TCF7L1: variants seen among roughly 807,000 people sequenced by gnomAD.
The protein encoded by TCF7L1 is transcription factor 7 like 1.
In TCF7L1, 18 loss-of-function variants were observed where a neutral mutation model predicts 63.7. The observed-to-expected ratio is 0.28, with a 90% CI of 0.20 to 0.42. TCF7L1 has a LOEUF of 0.42. Among genes scored for constraint, TCF7L1 ranks in the 10% least tolerant of loss-of-function variants. The probability of loss-of-function intolerance (pLI) is 1.00; values close to 1 mark genes in which losing one functional copy is unlikely to be tolerated. For synonymous variants in TCF7L1, 355 were observed against 340.9 expected (o/e 1.04, Z -0.46); for missense variants, 654 against 779.3 (o/e 0.84, Z 1.91).
chr2:85,164,565 G>T lies in TCF7L1; in HGVS notation c.441+30115G>T, dbSNP rs935343062. Among the ~76,000 whole-genome samples, 12 of 152,144 alleles carry T rather than the reference G, an allele frequency of 7.9e-5. No individual in the cohort carries two copies. In the South Asian group the frequency reaches 1.5e-3, roughly 18 times the overall value. On this transcript the variant is annotated intron_variant, in intron 3 of 11. Transcript: ENST00000282111. Reference sequence around the variant, plus strand: ...GTAGCTATTCTGTATCAACCGCTGGGGTCAGAGGCTCTCAGCTGGAGTCCA... The same window carrying T: ...GTAGCTATTCTGTATCAACCGCTGGTGTCAGAGGCTCTCAGCTGGAGTCCA...
chr2:85,267,243 A>G (rs1177839532), intron 3 of TCF7L1, among the ~76,000 whole-genome samples: 2 of 151,128 alleles, frequency 1.3e-5, no homozygotes, highest in African/African-American at 2.4e-5. Flanking sequence ...AGGTGGAAGA[A>G]TCACTTGAAC....
intron 3 of TCF7L1, among the ~76,000 whole-genome samples, chr2:85,208,071 C>A (rs1043883086): frequency 6.6e-6 from 1 of 151,992 alleles, no homozygotes; most frequent in Admixed American, 6.6e-5. Context: ...CACACATGGC[C>A]AATTTTTTGT....
At chr2:85,172,939 G>A (rs151040069) in intron 3 of TCF7L1, among the ~76,000 whole-genome samples, 1,740 of 152,230 alleles carry the variant, frequency 0.011, 19 homozygotes, top group Non-Finnish European at 0.017. Context: ...GTCTCCACTC[G>A]CTACCACAGC....
chr2:85,264,470 G>A (rs1472331642), intron 3 of TCF7L1, among the ~76,000 whole-genome samples: 1 of 152,152 alleles, frequency 6.6e-6, no homozygotes, highest in Non-Finnish European at 1.5e-5. Context: ...TAGGAACTGG[G>A]GGCTCAGGAA....
chr2:85,177,262 C>T (rs1424175407), intron 3 of TCF7L1, among the ~76,000 whole-genome samples: 4 of 152,176 alleles, frequency 2.6e-5, no homozygotes, highest in Non-Finnish European at 5.9e-5. Context: ...CTAATTACCA[C>T]CCAAAGGCCC....
Position 85,250,699 on chromosome 2 carries a change from G to C in TCF7L1, c.442-32796G>C, listed in dbSNP as rs913235585. Among the ~76,000 whole-genome samples, 4 of 152,268 alleles carry C rather than the reference G, an allele frequency of 2.6e-5. No individual in the cohort carries two copies. The East Asian group carries it at 5.8e-4, about 22-fold the overall frequency. On this transcript the variant is annotated intron_variant, in intron 3 of 11. Transcript: ENST00000282111. Reference sequence around the variant, plus strand: ...TGATCACCCACCTCAGCCTCCCAAAGTGGTAGGATTACAGGCGTGATCCAC... The same window carrying C: ...TGATCACCCACCTCAGCCTCCCAAACTGGTAGGATTACAGGCGTGATCCAC...
intron 3 of TCF7L1, among the ~76,000 whole-genome samples, chr2:85,279,841 C>G (rs1001316372): frequency 2.0e-5 from 3 of 152,182 alleles, no homozygotes; most frequent in East Asian, 3.8e-4. Flanking sequence ...GACCACCTCT[C>G]CCTTCTGGTC....
intron 3 of TCF7L1, among the ~76,000 whole-genome samples, chr2:85,223,413 G>A (rs1273976907): frequency 6.6e-6 from 1 of 152,198 alleles, no homozygotes; most frequent in Non-Finnish European, 1.5e-5. Context: ...CAGAATCCCA[G>A]GTAGAAGTTA....
chr2:85,222,906 A>G (rs972898941), intron 3 of TCF7L1, among the ~76,000 whole-genome samples: 3 of 152,170 alleles, frequency 2.0e-5, no homozygotes, highest in Non-Finnish European at 4.4e-5. Flanking sequence ...CAATGAAGTG[A>G]TAGGCTATCT....
chr2:85,286,839 C>G (rs1410425903), intron 4 of TCF7L1, among the ~76,000 whole-genome samples: 3 of 152,146 alleles, frequency 2.0e-5, no homozygotes, highest in African/African-American at 7.2e-5. Context: ...CACCTATAGT[C>G]CCATTTACTC....
chr2:85,267,565 C>T (rs1028240768), intron 3 of TCF7L1, among the ~76,000 whole-genome samples: 4 of 150,624 alleles, frequency 2.7e-5, no homozygotes, highest in African/African-American at 4.9e-5. Flanking sequence ...AGGAAAATCA[C>T]TTGAGCCCAG....
chr2:85,309,000 G>A (rs1299343129), intron 11 of TCF7L1, 29 bp from the exon 12 acceptor site: 22 of 1,557,014 alleles, frequency 1.4e-5, no homozygotes, highest in Non-Finnish European at 1.9e-5. Flanking sequence ...AGCTATAGCT[G>A]CTCACTCTTT....
chr2:85,204,833 T>A (rs181245941), intron 3 of TCF7L1: 41 of 143,860 alleles, frequency 2.8e-4, no homozygotes, highest in African/African-American at 1.2e-3. Flanking sequence ...TCATTTAAAT[T>A]TTTTTTTTTA....
At chr2:85,305,906 C>T (rs1398703479) in intron 8 of TCF7L1, among the ~76,000 whole-genome samples, 2 of 152,104 alleles carry the variant, frequency 1.3e-5, no homozygotes, top group African/African-American at 2.4e-5. Flanking sequence ...GTCCTGTCAC[C>T]GCCGCCAGCA....
chr2:85,152,526 C>T (rs1678041272), intron 3 of TCF7L1, among the ~76,000 whole-genome samples: 1 of 151,098 alleles, frequency 6.6e-6, no homozygotes, highest in African/African-American at 2.4e-5. Flanking sequence ...CCCCAGCCTC[C>T]CAAGTTCAAG....
rs377450506 is a variant in TCF7L1, at chr2:85,300,050, A to C, written c.526-2434A>C. Among the ~76,000 whole-genome samples, 4 of 152,154 alleles carry C rather than the reference A, an allele frequency of 2.6e-5. No homozygotes were observed. The East Asian group carries it at 7.7e-4, about 29-fold the overall frequency. On this transcript the variant is annotated intron_variant, in intron 4 of 11. Transcript: ENST00000282111. ...CTTTCTTAGAAAGTTTGTGTTATTCATAGTATATTTTTTTAAGTAGTAGAT... is the reference window on the plus strand; with the variant it reads ...CTTTCTTAGAAAGTTTGTGTTATTCCTAGTATATTTTTTTAAGTAGTAGAT...
intron 3 of TCF7L1, among the ~76,000 whole-genome samples, chr2:85,252,634 C>T (rs1680621767): frequency 6.6e-6 from 1 of 152,252 alleles, no homozygotes; most frequent in Admixed American, 6.5e-5. Flanking sequence ...ATGTTTTCTA[C>T]AGCCCATTTC....
chr2:85,288,155 G>C (rs1681607049), intron 4 of TCF7L1, among the ~76,000 whole-genome samples: 1 of 152,136 alleles, frequency 6.6e-6, no homozygotes, highest in Non-Finnish European at 1.5e-5. Flanking sequence ...AAAACTAAGA[G>C]GTAATGAGGG....
chr2:85,142,838 C>G (rs1448915916), intron 3 of TCF7L1, among the ~76,000 whole-genome samples: 3 of 152,188 alleles, frequency 2.0e-5, no homozygotes, highest in Non-Finnish European at 4.4e-5. Flanking sequence ...CAGGACACTT[C>G]TATAGTTTCT....
Sources: allele counts gnomAD v4.1 joint callset (sites outside exome capture counted in the v4.1 genomes callset), GRCh38; gene constraint gnomAD v4.1.1; transcripts MANE v1.5; gene names NCBI Gene and HGNC (gene_info 2026-07-23, HGNC 2026-07-21).